The following FRMD4A variants were observed in gnomAD, a reference collection of about 807,000 sequenced individuals.
FRMD4A encodes FERM domain containing 4A.
In FRMD4A, 29 loss-of-function variants were observed where a neutral mutation model predicts 129.1. The ratio of observed to expected loss-of-function variants is 0.22; its 90% CI spans 0.17 to 0.31. The LOEUF is 0.31. FRMD4A is among the 10% of genes least tolerant of loss of function. The pLI is 1.00. For synonymous variants in FRMD4A, 634 were observed against 571.6 expected (o/e 1.11, Z -1.56); for missense variants, 1,272 against 1,375.8 (o/e 0.92, Z 1.19).
intron 2 of FRMD4A, among the ~76,000 whole-genome samples, chr10:14,280,342 C>T (rs2132059419): frequency 6.6e-6 from 1 of 151,764 alleles, no homozygotes; most frequent in Non-Finnish European, 1.5e-5. Flanking sequence ...TTTAGGGTCT[C>T]ACTATGTTAC....
chr10:14,288,180 G>A, intron 2 of FRMD4A, among the ~76,000 whole-genome samples: 1 of 152,034 alleles, frequency 6.6e-6, no homozygotes. Context: ...GTTTAATCAG[G>A]TTAGTTAGGA....
chr10:13,974,089 G>A, intron 2 of FRMD4A, among the ~76,000 whole-genome samples: 1 of 149,010 alleles, frequency 6.7e-6, no homozygotes, highest in East Asian at 2.0e-4. Flanking sequence ...GTGCAGTGGT[G>A]CGATTTCGGC....
intron 2 of FRMD4A, among the ~76,000 whole-genome samples, chr10:14,226,887 C>T (rs184979648): frequency 2.0e-5 from 3 of 152,164 alleles, no homozygotes; most frequent in Non-Finnish European, 4.4e-5. Flanking sequence ...AGACCCCAAT[C>T]GACTCTTCAC....
rs148687282 is a variant in FRMD4A, at chr10:14,040,811, G to A, written c.46-181899C>T. On this transcript the variant is annotated intron_variant, in intron 2 of 24. Transcript: ENST00000357447. ...GAGACGCCAGCTTAGGCCTGCAGTG[G>A]ATACAGTGGTTTTGGCTTCATGTAC... Among the ~76,000 whole-genome samples, 289 of 152,310 alleles carry A rather than the reference G, an allele frequency of 1.9e-3. 1 individual carries two copies. The highest frequency in any genetic ancestry group is 6.6e-3 in the African/African-American group (275 of 41,554).
intron 2 of FRMD4A, chr10:13,866,242 G>A (rs2094365775): frequency 1.1e-6 from 1 of 931,464 alleles, no homozygotes; most frequent in South Asian, 4.9e-5. Context: ...CAAAAGCCAA[G>A]GCCCTACCAG....
intron 2 of FRMD4A, among the ~76,000 whole-genome samples, chr10:14,032,966 T>C (rs1415815918): frequency 6.6e-6 from 1 of 152,132 alleles, no homozygotes; most frequent in African/African-American, 2.4e-5. Context: ...ACCAGGTAGG[T>C]CTGGAACGAA....
intron 2 of FRMD4A, among the ~76,000 whole-genome samples, chr10:14,185,416 CGT>C (rs1842058637): frequency 6.6e-6 from 1 of 152,144 alleles, no homozygotes; most frequent in African/African-American, 2.4e-5. Context: ...CCACCCTAAG[CGT>C]AAGGAGAGCT....
At chr10:13,873,176 CAA>C (rs201298334) in intron 2 of FRMD4A, among the ~76,000 whole-genome samples, 4 of 107,632 alleles carry the variant, frequency 3.7e-5, no homozygotes, top group African/African-American at 1.5e-4. Context: ...GACACTGTCT[CAA>C]AAAAAATAAA....
At chr10:13,914,657 A>T (rs924472673) in intron 2 of FRMD4A, among the ~76,000 whole-genome samples, 1 of 152,214 alleles carries the variant, frequency 6.6e-6, no homozygotes, top group South Asian at 2.1e-4. Context: ...TGGAATGAAG[A>T]TTTAAACAGA....
intron 2 of FRMD4A, among the ~76,000 whole-genome samples, chr10:14,147,077 GT>G (rs1247371384): frequency 6.6e-6 from 1 of 152,208 alleles, no homozygotes; most frequent in Non-Finnish European, 1.5e-5. Context: ...AGACAGGTAG[GT>G]TCATTGAAAG....
chr10:14,149,567 C>A (rs982317156), intron 2 of FRMD4A, among the ~76,000 whole-genome samples: 1 of 151,910 alleles, frequency 6.6e-6, no homozygotes, highest in Non-Finnish European at 1.5e-5. Flanking sequence ...TACAGTGGTG[C>A]CATCATAGCT....
intron 2 of FRMD4A, among the ~76,000 whole-genome samples, chr10:14,055,022 G>A (rs1834442013): frequency 6.6e-6 from 1 of 152,048 alleles, no homozygotes; most frequent in East Asian, 1.9e-4. Context: ...TGTGAGAATG[G>A]ACGCAAGAGA....
rs560211828 is a variant in FRMD4A, at chr10:14,084,754, G to A, written c.46-225842C>T. On this transcript the variant is annotated intron_variant, in intron 2 of 24. Coordinates refer to ENST00000357447, the MANE Select transcript of FRMD4A (RefSeq NM_018027.5). Reference sequence around the variant, plus strand: ...ACTAGGACCCCCCATATAACCCAGAGCCCACGGGACATATTTGAACTCGTT... The same window carrying A: ...ACTAGGACCCCCCATATAACCCAGAACCCACGGGACATATTTGAACTCGTT... Among the ~76,000 whole-genome samples, 4 of 152,236 alleles carry A rather than the reference G, an allele frequency of 2.6e-5. No homozygotes were observed. In the South Asian group the frequency reaches 6.2e-4, roughly 24 times the overall value.
At chr10:13,810,779 C>A in intron 4 of FRMD4A, 35 bp downstream of exon 4, 1 of 1,134,144 alleles carries the variant, frequency 8.8e-7, no homozygotes, top group Non-Finnish European at 1.3e-6. Context: ...CACTGACTCT[C>A]CCTTCGGGCT....
At chr10:14,011,838 G>A (rs1051663877) in intron 2 of FRMD4A, among the ~76,000 whole-genome samples, 18 of 152,002 alleles carry the variant, frequency 1.2e-4, no homozygotes, top group African/African-American at 1.9e-4. Context: ...GTGAAACCCC[G>A]TCTCTACTAA....
At chr10:14,014,556 A>T (rs2095692213) in intron 2 of FRMD4A, among the ~76,000 whole-genome samples, 1 of 152,176 alleles carries the variant, frequency 6.6e-6, no homozygotes, top group Non-Finnish European at 1.5e-5. Flanking sequence ...TCATTAGAGG[A>T]AGCTGGGACT....
intron 2 of FRMD4A, among the ~76,000 whole-genome samples, chr10:14,137,495 C>A (rs1489184702): frequency 6.6e-6 from 1 of 152,180 alleles, no homozygotes; most frequent in Non-Finnish European, 1.5e-5. Flanking sequence ...TGCCTTCTGA[C>A]TTGAATGCTA....
chr10:13,892,121 C>A (rs2094707304), intron 2 of FRMD4A, among the ~76,000 whole-genome samples: 1 of 149,892 alleles, frequency 6.7e-6, no homozygotes, highest in Non-Finnish European at 1.5e-5. Flanking sequence ...AGACAAAGTT[C>A]GCTCCCGGTG....
intron 2 of FRMD4A, among the ~76,000 whole-genome samples, chr10:14,020,218 C>CACATGT (rs1322075692): frequency 6.6e-6 from 1 of 152,180 alleles, no homozygotes; most frequent in African/African-American, 2.4e-5. Flanking sequence ...CTTCCTCTCA[C>CACATGT]GAACCCAGCA....
Sources: allele counts gnomAD v4.1 joint callset (sites outside exome capture counted in the v4.1 genomes callset), GRCh38; gene constraint gnomAD v4.1.1; transcripts MANE v1.5; gene names NCBI Gene and HGNC (gene_info 2026-07-23, HGNC 2026-07-21).